RECK: variants seen among roughly 807,000 people sequenced by gnomAD.
RECK encodes the protein reversion-inducing cysteine-rich protein with Kazal motifs.
A neutral mutation model predicts 115.1 loss-of-function variants in RECK; 69 were observed. That is an observed-to-expected ratio of 0.60 (90% CI 0.49 to 0.73). The LOEUF is 0.73. RECK is among the 30% of genes least tolerant of loss of function. RECK has a pLI of 0.00. For synonymous variants in RECK, 414 were observed against 419.7 expected, an observed-to-expected ratio of 0.99 and a Z score of 0.17; for missense variants, 1,047 against 1,203.7, an observed-to-expected ratio of 0.87 and a Z score of 1.93.
At chr9:36,081,037 A>G (rs1822665381) in intron 7 of RECK, among the ~76,000 whole-genome samples, 1 of 152,186 alleles carries the variant, frequency 6.6e-6, no homozygotes. Context: ...GTCACTGGAT[A>G]AAGTGCTCCA....
At position 36,097,652 on chromosome 9, in the gene RECK, A is replaced by G. The variant is rs1823405827; in HGVS notation, c.1086-2679A>G. 2.6e-5 allele frequency among the ~76,000 whole-genome samples: 4 copies of G among 152,200 alleles called. No individual in the cohort carries two copies. In the South Asian group the frequency reaches 8.3e-4, roughly 32 times the overall value. On this transcript the variant is annotated intron_variant, in intron 10 of 20. Transcript: ENST00000377966. ...CAAAAAATTAAAGATAGAAGGTACC[A>G]TATGATCCAGCAATTCCACTACTAG...
chr9:36,088,294 C>T (rs1255714185), intron 9 of RECK, among the ~76,000 whole-genome samples: 2 of 152,176 alleles, frequency 1.3e-5, no homozygotes, highest in South Asian at 2.1e-4. Flanking sequence ...TTTGATCTGA[C>T]ATCTAAGGGA....
At chr9:36,098,552 C>G (rs2132647877) in intron 10 of RECK, among the ~76,000 whole-genome samples, 1 of 152,182 alleles carries the variant, frequency 6.6e-6, no homozygotes. Flanking sequence ...GGATTTGGAG[C>G]TTTTTTTCAG....
At chr9:36,043,011 T>A (rs1349954112) in intron 1 of RECK, among the ~76,000 whole-genome samples, 1 of 23,416 alleles carries the variant, frequency 4.3e-5, no homozygotes, top group South Asian at 2.8e-3. Context: ...CTTAGCCCAC[T>A]TTTTTTTTTT....
At chr9:36,074,804 C>A (rs574498765) in intron 6 of RECK, among the ~76,000 whole-genome samples, 1 of 152,288 alleles carries the variant, frequency 6.6e-6, no homozygotes, top group South Asian at 2.1e-4. Context: ...TATCTATTAT[C>A]CCAATAATGT....
intron 4 of RECK, 29 bp downstream of exon 4, chr9:36,060,184 C>G (rs1160292739): frequency 6.2e-7 from 1 of 1,605,504 alleles, no homozygotes; most frequent in African/African-American, 1.3e-5. Context: ...ACATTTAGCA[C>G]TTAATTTTAA....
intron 14 of RECK, among the ~76,000 whole-genome samples, chr9:36,109,511 A>T (rs887317683): frequency 4.6e-5 from 7 of 152,218 alleles, no homozygotes; most frequent in Non-Finnish European, 1.0e-4. Flanking sequence ...TATAAATCCC[A>T]CAGATTTTAC....
intron 2 of RECK, among the ~76,000 whole-genome samples, chr9:36,057,661 A>C (rs1821584576): frequency 1.3e-5 from 2 of 152,134 alleles, no homozygotes; most frequent in African/African-American, 2.4e-5. Context: ...TCTACAAAAA[A>C]ATACAGAAAT....
chr9:36,088,023 A>T (rs1823031202), intron 9 of RECK, 62 bp downstream of exon 9: 1 of 1,260,588 alleles, frequency 7.9e-7, no homozygotes. Context: ...TAATGATTTT[A>T]AGCCTAGCAA....
chr9:36,066,707 G>T, intron 6 of RECK: 2 of 873,882 alleles, frequency 2.3e-6, no homozygotes, highest in Non-Finnish European at 3.0e-6. Flanking sequence ...GAACAAAGTG[G>T]CTAACTGTGA....
intron 6 of RECK, among the ~76,000 whole-genome samples, chr9:36,074,714 AAAT>A (rs1361530396): frequency 2.0e-4 from 30 of 152,226 alleles, no homozygotes; most frequent in Non-Finnish European, 4.1e-4. Context: ...AACTCTGTGT[AAAT>A]GTCTTACACT....
intron 4 of RECK, among the ~76,000 whole-genome samples, chr9:36,061,437 C>CACACACACACACAG (rs1445280737): frequency 6.7e-6 from 1 of 149,998 alleles, no homozygotes; most frequent in African/African-American, 2.5e-5. Flanking sequence ...CACACACACA[C>CACACACACACACAG]AGTTGCTAAC....
At chr9:36,108,189 T>G in intron 14 of RECK, 25 bp downstream of exon 14, 1 of 1,531,906 alleles carries the variant, frequency 6.5e-7, no homozygotes, top group East Asian at 2.3e-5. Context: ...CTGATTTTGT[T>G]TTTAATATGA....
intron 6 of RECK, among the ~76,000 whole-genome samples, chr9:36,071,348 C>T (rs1414110524): frequency 6.6e-6 from 1 of 152,136 alleles, no homozygotes; most frequent in Non-Finnish European, 1.5e-5. Context: ...TTCCCAGAGA[C>T]TGGCAATGGC....
chr9:36,064,447 A>G (rs1275612199), intron 5 of RECK, among the ~76,000 whole-genome samples: 1 of 152,194 alleles, frequency 6.6e-6, no homozygotes, highest in South Asian at 2.1e-4. Flanking sequence ...GAGAGGAAAA[A>G]CTAGCCTCTT....
intron 6 of RECK, among the ~76,000 whole-genome samples, chr9:36,078,839 T>G (rs1822558738): frequency 1.3e-5 from 2 of 152,140 alleles, no homozygotes; most frequent in African/African-American, 4.8e-5. Context: ...AGAAAGTTGG[T>G]AGCCGACTAC....
intron 7 of RECK, among the ~76,000 whole-genome samples, chr9:36,081,774 C>G (rs1822704402): frequency 6.8e-6 from 1 of 148,114 alleles, no homozygotes. Context: ...GCAGAGGTTG[C>G]AGTAAGCCAA....
chr9:36,063,545 A>G (rs1821867171), intron 4 of RECK, among the ~76,000 whole-genome samples: 1 of 152,162 alleles, frequency 6.6e-6, no homozygotes, highest in Admixed American at 6.5e-5. Context: ...CTTAAAGAGC[A>G]TTTAGGGTGG....
At chr9:36,096,955 A>G (rs1047572462) in intron 10 of RECK, among the ~76,000 whole-genome samples, 2 of 152,004 alleles carry the variant, frequency 1.3e-5, no homozygotes, top group Non-Finnish European at 2.9e-5. Flanking sequence ...TATTTGTCAA[A>G]GAGCTTGTGT....
Sources: gnomAD v4.1 joint callset for allele counts (sites outside exome capture counted in the v4.1 genomes callset) on GRCh38, gnomAD v4.1.1 for gene constraint, MANE v1.5 for transcripts, NCBI Gene and HGNC (gene_info 2026-07-23, HGNC 2026-07-21) for gene names.